Variants in FBXL20 observed in about 807,000 individuals in gnomAD.
The protein encoded by FBXL20 is F-box/LRR-repeat protein 20.
A neutral mutation model predicts 64.0 loss-of-function variants in FBXL20; 11 were observed. That is an observed-to-expected ratio of 0.17 (90% confidence interval 0.11 to 0.28). The LOEUF (loss-of-function observed/expected upper bound fraction) is 0.28, where lower values mean the gene tolerates loss of function less well. Among genes scored for constraint, FBXL20 ranks in the 10% least tolerant of loss-of-function variants. FBXL20 has a pLI of 1.00. For synonymous variants in FBXL20, 184 were observed against 189.0 expected (o/e 0.97, Z 0.22); for missense variants, 303 against 526.2 (o/e 0.58, Z 4.15).
At chr17:39,361,076 T>C (rs1248630399) in intron 1 of FBXL20, among the ~76,000 whole-genome samples, 2 of 152,138 alleles carry the variant, frequency 1.3e-5, no homozygotes, top group South Asian at 2.1e-4. Flanking sequence ...TATTATTGCA[T>C]TGCATTTCTG....
In FBXL20 at chr17:39,346,681, ATGAC is replaced by A. The variant is rs901493676; in HGVS notation, c.43-3444_43-3441del. Among the ~76,000 whole-genome samples, 13 of 152,084 alleles carry A rather than the reference ATGAC, an allele frequency of 8.5e-5. 1 individual carries two copies. Among genetic ancestry groups the A allele is most frequent in the Admixed American group, 7.2e-4 (11 of 15,284 alleles). ...AACAAACAGACTACTAGAAATGCTA[ATGAC>A]TGACAATTACTTTTTTTTTTATTAT... On this transcript the variant is annotated intron_variant, in intron 1 of 14. Transcript: ENST00000264658.
Position 39,285,510 on chromosome 17 carries a change from T to C in FBXL20, c.462A>G (p.Thr154=), listed in dbSNP as rs376166300. 1 of 1,604,460 alleles carries C rather than the reference T, an allele frequency of 6.2e-7. No homozygotes were observed. The highest frequency in any genetic ancestry group is 2.2e-5 in the East Asian group (1 of 44,582). The change falls in exon 7 of 15, where the codon ACA becomes ACG. Residue 154 remains threonine (T), a synonymous_variant. Transcript: ENST00000264658. The part of the protein sequence containing the change: ...KLRHLDLASC[T]SITNMSLKAL... ...CTTTTAGAGACATGTTTGTTATTGA[T>C]GTACAGGAAGCCAAGTCAAGGTGCC...
intron 1 of FBXL20, among the ~76,000 whole-genome samples, chr17:39,373,634 G>A (rs2047938795): frequency 6.6e-6 from 1 of 152,190 alleles, no homozygotes. Flanking sequence ...AGGTAGGCAT[G>A]TTCTTTTATT....
rs894093991 is a variant in FBXL20 at position 39,258,060 on chromosome 17, G to C, written c.*3400C>G. On this transcript the variant is annotated 3_prime_UTR_variant, in exon 15 of 15. Coordinates refer to ENST00000264658, the MANE Select transcript of FBXL20 (RefSeq NM_032875.3). ...CCTCCTTGCCCACCTGTAGGTTTAC[G>C]GCAGTAGTTTTGAGGGTACCTTCTA... 1 of 152,160 alleles carries C rather than the reference G, an allele frequency of 6.6e-6. No homozygotes were observed. The highest frequency in any genetic ancestry group is 2.4e-5 in the African/African-American group (1 of 41,434). The allele number at this position is 152,160 out of a possible 1,614,324, so 9.4% of individuals were successfully genotyped here. A position where few individuals can be genotyped will look rare whatever the true frequency, so the allele number is the denominator to read the frequency against.
intron 1 of FBXL20, among the ~76,000 whole-genome samples, chr17:39,380,981 G>C (rs2048016867): frequency 6.6e-6 from 1 of 151,900 alleles, no homozygotes; most frequent in Non-Finnish European, 1.5e-5. Context: ...CCAACATGGT[G>C]AAACCCCGTC....
chr17:39,389,235 A>G (rs2048112998), intron 1 of FBXL20, among the ~76,000 whole-genome samples: 1 of 152,058 alleles, frequency 6.6e-6, no homozygotes, highest in South Asian at 2.1e-4. Flanking sequence ...ACTATTCATG[A>G]TAATGTACAA....
intron 14 of FBXL20, among the ~76,000 whole-genome samples, chr17:39,262,497 T>C (rs530054481): frequency 3.9e-5 from 6 of 152,076 alleles, no homozygotes; most frequent in African/African-American, 1.4e-4. Flanking sequence ...ACCAGGCTGG[T>C]CTTGAACTCC....
At chr17:39,375,923 G>A (rs868451453) in intron 1 of FBXL20, among the ~76,000 whole-genome samples, 1 of 152,010 alleles carries the variant, frequency 6.6e-6, no homozygotes, top group South Asian at 2.1e-4. Context: ...TTTGAGACCA[G>A]CCTGACCAAC....
At chr17:39,339,165 C>CAAAAAA (rs59901064) in intron 2 of FBXL20, among the ~76,000 whole-genome samples, 1 of 68,024 alleles carries the variant, frequency 1.5e-5, no homozygotes. Flanking sequence ...GACCCTGTCT[C>CAAAAAA]AAAAAAAAAA....
chr17:39,401,741 G>A, upstream of FBXL20: 1 of 1,086,572 alleles, frequency 9.2e-7, no homozygotes, highest in South Asian at 3.7e-5. Flanking sequence ...GGGCGGGAGG[G>A]GAGGAGCGCG....
intron 3 of FBXL20, 112 bp downstream of exon 3, chr17:39,303,473 A>T: frequency 1.1e-6 from 1 of 870,010 alleles, no homozygotes. Context: ...AATCTCCTTT[A>T]AAACATGAAA....
At chr17:39,340,924 A>G (rs1043611034) in intron 2 of FBXL20, among the ~76,000 whole-genome samples, 1 of 151,280 alleles carries the variant, frequency 6.6e-6, no homozygotes, top group African/African-American at 2.4e-5. Context: ...GTGCTGACCA[A>G]TTGTTTTCTA....
chr17:39,301,754 G>A (rs533601930), intron 3 of FBXL20, among the ~76,000 whole-genome samples: 8 of 151,942 alleles, frequency 5.3e-5, no homozygotes, highest in Non-Finnish European at 1.0e-4. Context: ...AAAATTAGTC[G>A]GGCATGGTGG....
intron 9 of FBXL20, among the ~76,000 whole-genome samples, chr17:39,280,130 G>A (rs1394604669): frequency 1.3e-5 from 2 of 151,870 alleles, no homozygotes; most frequent in Non-Finnish European, 2.9e-5. Flanking sequence ...AGCTACTTGG[G>A]AGGCTGAGGC....
rs550636999 is a variant in FBXL20 at position 39,367,436 on chromosome 17, C to A, written c.43-24195G>T. Reference sequence around the variant, plus strand: ...GATTCAAGTGATTCTCCTGCCTCAGCCTCCCAAGTAGCTGGGATTACAGGC... The same window carrying A: ...GATTCAAGTGATTCTCCTGCCTCAGACTCCCAAGTAGCTGGGATTACAGGC... On this transcript the variant is annotated intron_variant, in intron 1 of 14. Transcript: ENST00000264658. 7.3e-5 allele frequency among the ~76,000 whole-genome samples: 11 copies of A among 151,030 alleles called. No individual in the cohort carries two copies. The South Asian group carries it at 2.1e-3, about 29-fold the overall frequency.
At chr17:39,365,383 T>C (rs1051016219) in intron 1 of FBXL20, among the ~76,000 whole-genome samples, 1 of 152,204 alleles carries the variant, frequency 6.6e-6, no homozygotes, top group Non-Finnish European at 1.5e-5. Flanking sequence ...AGAAATAAAA[T>C]TGCTTTTTAG....
chr17:39,297,424 G>C, intron 5 of FBXL20: 1 of 296,142 alleles, frequency 3.4e-6, no homozygotes. Context: ...TTGGTGAGAA[G>C]TAATCGCGGT....
chr17:39,335,878 T>A (rs1226109567), intron 2 of FBXL20, among the ~76,000 whole-genome samples: 2 of 152,154 alleles, frequency 1.3e-5, no homozygotes, highest in African/African-American at 4.8e-5. Flanking sequence ...CAGTGGCTCA[T>A]GCCTGTAATC....
At chr17:39,315,868 A>AGAGAGAGAGAGAGAGC (rs368094288) in intron 2 of FBXL20, among the ~76,000 whole-genome samples, 28 of 144,514 alleles carry the variant, frequency 1.9e-4, no homozygotes, top group Non-Finnish European at 3.6e-4. Context: ...AGAGAGAGAG[A>AGAGAGAGAGAGAGAGC]GAGCAACTGT....
Sources: allele counts gnomAD v4.1 joint callset (sites outside exome capture counted in the v4.1 genomes callset), GRCh38; gene constraint gnomAD v4.1.1; transcripts MANE v1.5; gene names NCBI Gene and HGNC (gene_info 2026-07-23, HGNC 2026-07-21).